Variants in GABRB1 observed in about 807,000 individuals in gnomAD.
GABRB1 encodes gamma-aminobutyric acid receptor subunit beta-1.
GABRB1 carries 17 observed loss-of-function variants against 51.6 expected under a neutral mutation model. The observed-to-expected ratio is 0.33, with a 90% CI of 0.23 to 0.49. The LOEUF is 0.49. GABRB1 is among the 20% of genes least tolerant of loss of function. GABRB1 has a pLI of 0.99. For synonymous variants in GABRB1, 247 were observed against 218.9 expected (o/e 1.13, Z -1.14); for missense variants, 410 against 600.6 (o/e 0.68, Z 3.32).
rs1049604925 is a variant in GABRB1 at position 47,249,230 on chromosome 4, G to T, written c.462-70897G>T. Among the ~76,000 whole-genome samples the T allele has an allele frequency of 7.9e-5, 12 of 152,150 alleles. No homozygotes were observed. In the East Asian group the frequency reaches 1.2e-3, roughly 15 times the overall value. The stretch of plus-strand genomic sequence containing the variant: ...TGTCATTATTGTCGTTCAATTCAAA[G>T]AATTTTTAAATTTCCATCTTGATTT... On this transcript the variant is annotated intron_variant, in intron 4 of 8. Coordinates refer to ENST00000295454, the MANE Select transcript of GABRB1 (RefSeq NM_000812.4).
chr4:47,169,844 C>T (rs1718365634), intron 4 of GABRB1, among the ~76,000 whole-genome samples: 1 of 152,114 alleles, frequency 6.6e-6, no homozygotes, highest in Non-Finnish European at 1.5e-5. Flanking sequence ...CCAGAGTCTA[C>T]ACTCTCAGCC....
chr4:47,154,662 G>A (rs1717613535), intron 3 of GABRB1, among the ~76,000 whole-genome samples: 1 of 152,046 alleles, frequency 6.6e-6, no homozygotes, highest in African/African-American at 2.4e-5. Context: ...GAGCAAATTA[G>A]CACAAGGAAA....
intron 4 of GABRB1, among the ~76,000 whole-genome samples, chr4:47,180,834 C>T (rs953615142): frequency 9.2e-5 from 14 of 152,002 alleles, no homozygotes; most frequent in Non-Finnish European, 1.9e-4. Flanking sequence ...TAGAATTCTA[C>T]TTTCTAAGAT....
At chr4:47,183,075 T>C (rs1276377560) in intron 4 of GABRB1, among the ~76,000 whole-genome samples, 3 of 151,782 alleles carry the variant, frequency 2.0e-5, no homozygotes, top group Non-Finnish European at 4.4e-5. Context: ...TTTGTCAAAG[T>C]TCAGGTTACA....
At chr4:47,175,355 C>A (rs1179930515) in intron 4 of GABRB1, among the ~76,000 whole-genome samples, 1 of 152,044 alleles carries the variant, frequency 6.6e-6, no homozygotes, top group Non-Finnish European at 1.5e-5. Context: ...TCACCCCCAG[C>A]CCTGTAATCT....
intron 3 of GABRB1, among the ~76,000 whole-genome samples, chr4:47,092,161 CTTTCT>C (rs1560530219): frequency 5.9e-5 from 4 of 68,222 alleles, no homozygotes; most frequent in East Asian, 5.8e-4. Flanking sequence ...TTCTTTCTTT[CTTTCT>C]TTTTTTTTTT....
intron 4 of GABRB1, among the ~76,000 whole-genome samples, chr4:47,318,329 C>T (rs1309349173): frequency 6.6e-6 from 1 of 151,934 alleles, no homozygotes; most frequent in African/African-American, 2.4e-5. Context: ...TTATTATCAC[C>T]TTAGCAATGT....
chr4:47,141,153 G>A (rs528736177), intron 3 of GABRB1, among the ~76,000 whole-genome samples: 1 of 151,814 alleles, frequency 6.6e-6, no homozygotes, highest in Admixed American at 6.6e-5. Context: ...CCTATGTAGA[G>A]ATGTCAGATA....
intron 5 of GABRB1, among the ~76,000 whole-genome samples, chr4:47,350,218 T>TAGAGAGAGAGAGAG (rs59905765): frequency 1.2e-3 from 70 of 56,644 alleles, no homozygotes; most frequent in African/African-American, 5.1e-3. Context: ...TATATATATA[T>TAGAGAGAGAGAGAG]AGAGAGAGAG....
At chr4:47,350,700 C>A (rs1050310523) in intron 5 of GABRB1, among the ~76,000 whole-genome samples, 2 of 151,962 alleles carry the variant, frequency 1.3e-5, no homozygotes, top group Non-Finnish European at 2.9e-5. Context: ...AGCACATATA[C>A]CACCCAGAAA....
At position 47,403,722 on chromosome 4, in the gene GABRB1, C is replaced by A. The variant is rs1161428911; in HGVS notation, c.835+11C>A. 1.2e-6 allele frequency: 2 copies of A among 1,610,322 alleles called. No individual in the cohort carries two copies. The highest frequency in any genetic ancestry group is 2.2e-5 in the South Asian group (2 of 90,876). On this transcript the variant is annotated intron_variant, in intron 7 of 8. Transcript: ENST00000295454. ...CCAGAGTCGCACTAGGTAATACATTCTCAGCACTGCAGAGAGCTAACAGAT... is the reference window on the plus strand; with the variant it reads ...CCAGAGTCGCACTAGGTAATACATTATCAGCACTGCAGAGAGCTAACAGAT...
At chr4:47,255,510 G>T (rs1166430807) in intron 4 of GABRB1, among the ~76,000 whole-genome samples, 2 of 152,184 alleles carry the variant, frequency 1.3e-5, no homozygotes, top group Non-Finnish European at 2.9e-5. Context: ...AGCATTTATT[G>T]TCCTCTTCCT....
intron 3 of GABRB1, among the ~76,000 whole-genome samples, chr4:47,063,272 A>G (rs1391095778): frequency 6.6e-6 from 1 of 152,124 alleles, no homozygotes; most frequent in Non-Finnish European, 1.5e-5. Flanking sequence ...CATTTGAGGA[A>G]CCTTTTTTAG....
chr4:47,151,683 TATC>T (rs1717464250), intron 3 of GABRB1, among the ~76,000 whole-genome samples: 1 of 152,048 alleles, frequency 6.6e-6, no homozygotes, highest in Non-Finnish European at 1.5e-5. Flanking sequence ...GAAACACTAA[TATC>T]CTATGAACCT....
intron 1 of GABRB1, among the ~76,000 whole-genome samples, chr4:46,995,200 A>C (rs1012457828): frequency 2.0e-4 from 31 of 152,348 alleles, no homozygotes; most frequent in Non-Finnish European, 1.3e-4. Context: ...AAACAAAGCA[A>C]TGAATTGCTT....
intron 4 of GABRB1, among the ~76,000 whole-genome samples, chr4:47,274,729 C>A (rs1723017054): frequency 2.0e-5 from 3 of 152,112 alleles, no homozygotes; most frequent in African/African-American, 4.8e-5. Context: ...AGCTGCACTC[C>A]ACTGGTTACT....
rs367991438 is a variant in GABRB1 at position 47,178,503 on chromosome 4, G to T, written c.461+17034G>T. The stretch of plus-strand genomic sequence containing the variant: ...AGACTTTTGTCATTGGATTAGTGGA[G>T]CTAAAGAAGAATAAAGCCATTATCT... On this transcript the variant is annotated intron_variant, in intron 4 of 8. Transcript: ENST00000295454. Among the ~76,000 whole-genome samples, 5 of 152,180 alleles carry T rather than the reference G, an allele frequency of 3.3e-5. No individual in the cohort carries two copies. In the East Asian group the frequency reaches 7.7e-4, roughly 24 times the overall value.
At chr4:47,409,067 A>C in intron 8 of GABRB1, among the ~76,000 whole-genome samples, 1 of 152,172 alleles carries the variant, frequency 6.6e-6, no homozygotes. Flanking sequence ...GCTGCCATGC[A>C]CTCAAACCTT....
chr4:47,310,627 A>T (rs1271271341), intron 4 of GABRB1, among the ~76,000 whole-genome samples: 3 of 152,174 alleles, frequency 2.0e-5, no homozygotes, highest in African/African-American at 7.2e-5. Context: ...CTGGGTTTGA[A>T]TCTCAGCATT....
Sources: gnomAD v4.1 joint callset for allele counts (sites outside exome capture counted in the v4.1 genomes callset) on GRCh38, gnomAD v4.1.1 for gene constraint, MANE v1.5 for transcripts, NCBI Gene and HGNC (gene_info 2026-07-23, HGNC 2026-07-21) for gene names.